Variants in FGD6 observed in about 807,000 individuals in gnomAD.
The protein encoded by FGD6 is FYVE, RhoGEF and PH domain containing 6, also known as FYVE, RhoGEF and PH domain-containing protein 6.
In FGD6, 90 loss-of-function variants were observed where a neutral mutation model predicts 149.4. The observed-to-expected ratio is 0.60, with a 90% CI of 0.51 to 0.72. The LOEUF (loss-of-function observed/expected upper bound fraction) is 0.72. FGD6 is among the 30% of genes least tolerant of loss of function. FGD6 has a pLI of 0.00. For synonymous variants in FGD6, 527 were observed against 584.0 expected (o/e 0.90, Z 1.41); for missense variants, 1,437 against 1,684.8 (o/e 0.85, Z 2.57).
At chr12:95,099,332 T>C (rs558494252) in intron 14 of FGD6, among the ~76,000 whole-genome samples, 1 of 152,236 alleles carries the variant, frequency 6.6e-6, no homozygotes, top group Admixed American at 6.5e-5. Flanking sequence ...CTGGCATGCA[T>C]GGAGTCACAC....
At chr12:95,133,969 CCTT>C (rs748119915) in intron 8 of FGD6, among the ~76,000 whole-genome samples, 18 of 152,060 alleles carry the variant, frequency 1.2e-4, no homozygotes, top group Non-Finnish European at 1.9e-4. Flanking sequence ...TTTTTTCTTT[CCTT>C]CTTTTTTCCT....
At chr12:95,188,676 T>C (rs890302423) in intron 2 of FGD6, among the ~76,000 whole-genome samples, 13 of 152,188 alleles carry the variant, frequency 8.5e-5, no homozygotes, top group African/African-American at 2.9e-4. Flanking sequence ...TACATTTAAC[T>C]TTTTTTAAGA....
At chr12:95,141,231 AAAAC>A (rs375922798) in intron 6 of FGD6, among the ~76,000 whole-genome samples, 153 bp downstream of exon 6, 130 of 152,332 alleles carry the variant, frequency 8.5e-4, no homozygotes, top group Non-Finnish European at 1.5e-3. Context: ...TCAAAAACAA[AAAAC>A]AAACAAAACA....
Position 95,209,726 on chromosome 12 carries a change from C to T in FGD6, c.1558G>A (p.Glu520Lys). The change falls in exon 2 of 21, where the codon GAA becomes AAA. Residue 520 changes from glutamate (E) to lysine (K), a missense_variant. By Grantham distance (56) the Glu-to-Lys change is moderately conservative (BLOSUM62 1). Coordinates refer to ENST00000343958, the MANE Select transcript of FGD6 (RefSeq NM_018351.4). ...TCACTTGAAGGATAAGAACTTTTTTCCAAAAGCTCCTCGGAGGCAGCCTTT... is the reference window on the plus strand; with the variant it reads ...TCACTTGAAGGATAAGAACTTTTTTTCAAAAGCTCCTCGGAGGCAGCCTTT... Reference protein sequence around the residue: ...LKKAASEELLEKSSYPSSEEK... With the variant: ...LKKAASEELLKKSSYPSSEEK... 1 of 1,613,896 alleles carries T rather than the reference C, an allele frequency of 6.2e-7. No homozygotes were observed. Among genetic ancestry groups the T allele is most frequent in the South Asian group, 1.1e-5 (1 of 91,028 alleles).
At chr12:95,136,878 C>A (rs1460125562) in intron 7 of FGD6, among the ~76,000 whole-genome samples, 1 of 152,178 alleles carries the variant, frequency 6.6e-6, no homozygotes, top group African/African-American at 2.4e-5. Context: ...TCTGGTTGCA[C>A]AAGAATGTCA....
chr12:95,150,031 C>CA (rs1344768474), intron 5 of FGD6, among the ~76,000 whole-genome samples: 1 of 121,298 alleles, frequency 8.2e-6, no homozygotes, highest in Non-Finnish European at 1.7e-5. Flanking sequence ...CACACACACA[C>CA]ACTTTTTTTT....
chr12:95,198,364 C>T (rs942617943), intron 2 of FGD6, among the ~76,000 whole-genome samples: 2 of 152,146 alleles, frequency 1.3e-5, no homozygotes, highest in Admixed American at 6.6e-5. Context: ...ACAAAAGGGA[C>T]GAAATGGTAC....
intron 8 of FGD6, among the ~76,000 whole-genome samples, chr12:95,115,930 T>C (rs1417019493): frequency 6.6e-6 from 1 of 152,188 alleles, no homozygotes; most frequent in Non-Finnish European, 1.5e-5. Context: ...TGAGATGTTA[T>C]GTATAAACAT....
intron 8 of FGD6, among the ~76,000 whole-genome samples, chr12:95,117,574 G>T (rs562928051): frequency 6.6e-6 from 1 of 152,244 alleles, no homozygotes; most frequent in East Asian, 1.9e-4. Flanking sequence ...CAACAGACCT[G>T]TACTACCACG....
In FGD6 at chr12:95,152,911, A is replaced by T; in HGVS notation, c.2654+15T>A. ...GGGGGAAAACAGTCTTCTGAATTGT[A>T]AACTAGATACCTACACTTTCTCTGA... is the stretch of plus-strand genomic sequence containing the variant. On this transcript the variant is annotated intron_variant, in intron 4 of 20. Transcript: ENST00000343958. 1 of 1,613,878 alleles carries T rather than the reference A, an allele frequency of 6.2e-7. No homozygotes were observed.
At position 95,112,909 on chromosome 12, in the gene FGD6, G is replaced by C. The variant is rs79235046; in HGVS notation, c.3133+742C>G. Among the ~76,000 whole-genome samples, 1,357 of 152,262 alleles carry C rather than the reference G, an allele frequency of 8.9e-3. 21 individuals carry two copies. Among genetic ancestry groups the C allele is most frequent in the African/African-American group, 0.031 (1,284 of 41,536 alleles). On this transcript the variant is annotated intron_variant, in intron 9 of 20. Coordinates refer to ENST00000343958, the MANE Select transcript of FGD6 (RefSeq NM_018351.4). The stretch of plus-strand genomic sequence containing the variant: ...TTTTTAGACTCATCCCTGCTTTGTA[G>C]TTTAGTCACTTCATGGACTCATGAT...
intron 14 of FGD6, among the ~76,000 whole-genome samples, chr12:95,096,465 GAAAT>G (rs1032891886): frequency 3.3e-5 from 5 of 152,118 alleles, no homozygotes; most frequent in African/African-American, 1.2e-4. Flanking sequence ...CAGCAAAAAA[GAAAT>G]AATCTCTTTC....
chr12:95,148,385 G>A (rs1045643069), intron 5 of FGD6, among the ~76,000 whole-genome samples: 1 of 149,560 alleles, frequency 6.7e-6, no homozygotes, highest in Non-Finnish European at 1.5e-5. Flanking sequence ...AAATTTTCAA[G>A]GAAATGTACG....
intron 18 of FGD6, among the ~76,000 whole-genome samples, chr12:95,088,533 A>G (rs1203195807): frequency 6.6e-6 from 1 of 152,232 alleles, no homozygotes; most frequent in East Asian, 1.9e-4. Flanking sequence ...AGTTCCTCAA[A>G]AAGTTAAACA....
chr12:95,107,398 C>T (rs1356576452), intron 12 of FGD6, among the ~76,000 whole-genome samples, 165 bp downstream of exon 12: 5 of 152,144 alleles, frequency 3.3e-5, no homozygotes, highest in East Asian at 3.8e-4. Context: ...TCATAACAGA[C>T]GTTATTTCCC....
At position 95,077,435 on chromosome 12, in the gene FGD6, A is replaced by G. The variant is rs1877531000; in HGVS notation, c.*4085T>C. 1.3e-5 allele frequency: 2 copies of G among 152,362 alleles called. No homozygotes were observed. The highest frequency in any genetic ancestry group is 4.8e-5 in the African/African-American group (2 of 41,470). 9.4% of individuals were successfully genotyped at this position (152,362 alleles called of 1,614,324 possible). On this transcript the variant is annotated 3_prime_UTR_variant, in exon 21 of 21. Coordinates refer to ENST00000343958, the MANE Select transcript of FGD6 (RefSeq NM_018351.4). The stretch of plus-strand genomic sequence containing the variant: ...AAGTCTTGGATAAACAGAGATGCGG[A>G]TGGGTCAATGAGGAAGGAAAAGGAA...
chr12:95,188,723 C>A (rs529031482), intron 2 of FGD6, among the ~76,000 whole-genome samples: 1 of 151,862 alleles, frequency 6.6e-6, no homozygotes, highest in Non-Finnish European at 1.5e-5. Flanking sequence ...TAAACAAATA[C>A]GTAAAGAACT....
chr12:95,085,275 C>T (rs1307671153), intron 19 of FGD6, among the ~76,000 whole-genome samples: 1 of 138,760 alleles, frequency 7.2e-6, no homozygotes, highest in Non-Finnish European at 1.5e-5. Context: ...AGTGCAGTGG[C>T]ACGATCTCAG....
At position 95,127,489 on chromosome 12, in the gene FGD6, A is replaced by G. The variant is rs529388597; in HGVS notation, c.3082+7250T>C. Among the ~76,000 whole-genome samples, 6 of 152,350 alleles carry G rather than the reference A, an allele frequency of 3.9e-5. No homozygotes were observed. The South Asian group carries it at 1.2e-3, about 32-fold the overall frequency. The stretch of plus-strand genomic sequence containing the variant: ...AACCCAGGAGGTGGAGGTTGTAGTG[A>G]GCCAAGATCGTGCCACTGCACTCCA... On this transcript the variant is annotated intron_variant, in intron 8 of 20. Transcript: ENST00000343958.
Sources: allele counts gnomAD v4.1 joint callset (sites outside exome capture counted in the v4.1 genomes callset), GRCh38; gene constraint gnomAD v4.1.1; transcripts MANE v1.5; gene names NCBI Gene and HGNC (gene_info 2026-07-23, HGNC 2026-07-21).